The following KIF23 variants were observed in gnomAD, a reference collection of about 807,000 sequenced individuals.
KIF23 encodes kinesin family member 23.
Under a neutral mutation model 137.5 loss-of-function variants are expected in KIF23, and 30 were observed. The ratio of observed to expected loss-of-function variants is 0.22; its 90% confidence interval spans 0.16 to 0.30. KIF23 has a LOEUF of 0.30. Ranked by LOEUF, KIF23 falls within the 10% of genes least tolerant of loss-of-function variation. KIF23 has a pLI of 1.00. For missense variants in KIF23, 920 were observed against 1,194.3 expected, an observed-to-expected ratio of 0.77 and a Z score of 3.38; for synonymous variants, 367 against 391.1, an observed-to-expected ratio of 0.94 and a Z score of 0.73.
At position 69,439,916 on chromosome 15, in the gene KIF23, G is replaced by A. The variant is rs1270162094; in HGVS notation, c.1768G>A (p.Glu590Lys). 3 of 1,611,044 alleles carry A rather than the reference G, an allele frequency of 1.9e-6. No homozygotes were observed. Among genetic ancestry groups the A allele is most frequent in the African/African-American group, 2.7e-5 (2 of 74,670 alleles). ...KTLEYKIEIL[E>K]KTTTIYEEDK... The stretch of plus-strand genomic sequence containing the variant: ...TCTACCTTCCTAGATTGAGATTTTA[G>A]AGAAAACAACTACTATCTATGAGGA... Residue 590 changes from glutamate (E) to lysine (K), a missense_variant, in exon 17 of 24, where the codon GAG (glutamate) becomes AAG (lysine). Transcript: ENST00000679126.
chr15:69,414,437 C>T lies in KIF23; in HGVS notation c.-29C>T, dbSNP rs62007332. The T allele has an allele frequency of 4.0e-3, 6,308 of 1,581,124 alleles. 19 individuals are homozygous for T. The highest frequency in any genetic ancestry group is 5.0e-3 in the Non-Finnish European group (5,834 of 1,163,800). On this transcript the variant is annotated 5_prime_UTR_variant, in exon 1 of 24. Coordinates refer to ENST00000679126, the MANE Select transcript of KIF23 (RefSeq NM_001367805.3). The stretch of plus-strand genomic sequence containing the variant: ...CTTCGCCAGCCAGCCGTCCCGCATG[C>T]GCGTTTGGGCGGCGTGGAGCCTGCT...
rs915242077 is a variant in KIF23 at position 69,426,070 on chromosome 15, A to G, written c.777A>G (p.Val259=). ...CSTPMRNTDF[V]PPQSKLLRED... is the part of the protein sequence containing the mutation. Reference sequence around the variant, plus strand: ...CTAATCTTTTTTTTCTTTCCCATAGACCTCCACAATCTAAATTGCTTCGTG... The same window carrying G: ...CTAATCTTTTTTTTCTTTCCCATAGGCCTCCACAATCTAAATTGCTTCGTG... The change falls in exon 9 of 24, where the codon GTA becomes GTG. Residue 259 remains valine (V), a splice_region_variant and synonymous_variant. Transcript: ENST00000679126. 10 of 1,568,238 alleles carry G rather than the reference A, an allele frequency of 6.4e-6. No homozygotes were observed. Among genetic ancestry groups the G allele is most frequent in the East Asian group, 2.3e-5 (1 of 43,708 alleles).
Position 69,444,525 on chromosome 15 carries a change from A to G in KIF23, c.2422-265A>G. The G allele has an allele frequency of 2.5e-6, 1 of 408,060 alleles. No homozygotes were observed. Among genetic ancestry groups the G allele is most frequent in the Non-Finnish European group, 4.4e-6 (1 of 226,908 alleles). 25.3% of individuals were successfully genotyped at this position (408,060 alleles called of 1,614,324 possible). On this transcript the variant is annotated intron_variant, in intron 19 of 23. Transcript: ENST00000679126. This position sits in a 1 kb window ranked among gnomAD's most constrained non-coding sequence, Gnocchi z 4.2. ...TGTTTGTCCTGAACCACCCCCAAGC[A>G]GGAAAGACTTGCAGCATTACCAGAA...
chr15:69,427,798 A>C (rs1372859764), intron 10 of KIF23, among the ~76,000 whole-genome samples: 1 of 152,214 alleles, frequency 6.6e-6, no homozygotes, highest in African/African-American at 2.4e-5. Context: ...AAGTGGCAGG[A>C]GTGGTATTGA....
intron 15 of KIF23, 80 bp from the exon 16 acceptor site, chr15:69,438,167 TC>T: frequency 8.2e-7 from 1 of 1,220,340 alleles, no homozygotes; most frequent in Non-Finnish European, 1.1e-6. Context: ...CTACATTTTA[TC>T]TAGTGTCTGC....
chr15:69,419,688 A>T (rs2057005524), intron 3 of KIF23, among the ~76,000 whole-genome samples: 1 of 152,126 alleles, frequency 6.6e-6, no homozygotes, highest in Admixed American at 6.6e-5. Flanking sequence ...TCTTTCCTCT[A>T]CCATAATGTA....
At chr15:69,432,404 C>A (rs531668268) in intron 11 of KIF23, among the ~76,000 whole-genome samples, 2 of 152,052 alleles carry the variant, frequency 1.3e-5, no homozygotes, top group African/African-American at 4.8e-5. Context: ...TCATGGACAC[C>A]GAAATAAACC....
Position 69,444,576 on chromosome 15 carries a change from G to T in KIF23, c.2422-214G>T. 2 of 523,526 alleles carry T rather than the reference G, an allele frequency of 3.8e-6. No individual in the cohort carries two copies. Among genetic ancestry groups the T allele is most frequent in the African/African-American group, 1.9e-5 (1 of 51,504 alleles). The allele number at this position is 523,526 out of a possible 1,614,324, so 32.4% of individuals were successfully genotyped here. ...TTTTTTCTTTTATCCTTTATTGAAA[G>T]GGAAACTCCCAGATAGAATGTGTAA... On this transcript the variant is annotated intron_variant, in intron 19 of 23. Coordinates refer to ENST00000679126, the MANE Select transcript of KIF23 (RefSeq NM_001367805.3). This position sits in a 1 kb window ranked among gnomAD's most constrained non-coding sequence, Gnocchi z 4.2.
chr15:69,445,755 C>A (rs1449091383), intron 20 of KIF23, among the ~76,000 whole-genome samples: 1 of 152,016 alleles, frequency 6.6e-6, no homozygotes, highest in Non-Finnish European at 1.5e-5. Flanking sequence ...ACAGATGGAG[C>A]AAAAGGAATA....
rs532563614 is a variant in KIF23, at chr15:69,440,586, C to A, written c.2109+99C>A. ...GGATTTTTACATTTTATAATACTTACATTTCTGAAATTTCTCTAAAAATAT... is the reference window on the plus strand; with the variant it reads ...GGATTTTTACATTTTATAATACTTAAATTTCTGAAATTTCTCTAAAAATAT... On this transcript the variant is annotated intron_variant, in intron 18 of 23. Transcript: ENST00000679126. 5.6e-4 allele frequency: 689 copies of A among 1,232,582 alleles called. 11 individuals are homozygous for A. The East Asian group carries it at 0.018, about 32-fold the overall frequency. 76.4% of individuals were successfully genotyped at this position (1,232,582 alleles called of 1,614,324 possible). A position where few individuals can be genotyped will look rare whatever the true frequency, so the allele number is the denominator to read the frequency against.
Position 69,436,236 on chromosome 15 carries a change from C to A in KIF23, c.1413C>A (p.Asn471Lys). 1.9e-6 allele frequency: 3 copies of A among 1,613,886 alleles called. No homozygotes were observed. The highest frequency in any genetic ancestry group is 2.5e-6 in the Non-Finnish European group (3 of 1,179,946). The change falls in exon 14 of 24, where the codon AAC (asparagine) becomes AAA (lysine). Residue 471 changes from asparagine to lysine, a missense_variant. Physicochemically the swap from Asn to Lys is moderately conservative, Grantham distance 94. This residue lies in a region of KIF23 where 714 missense variants were observed against 866.2 expected (regional missense o/e 0.82). Coordinates refer to ENST00000679126, the MANE Select transcript of KIF23 (RefSeq NM_001367805.3). Reference sequence around the variant, plus strand: ...TAACGCCTGGGAGGAGATACAGAAACCAGCCTCGAGGTCCAGTTGGAAATG... The same window carrying A: ...TAACGCCTGGGAGGAGATACAGAAAACAGCCTCGAGGTCCAGTTGGAAATG... ...CGLTPGRRYR[N>K]QPRGPVGNEP...
intron 19 of KIF23, among the ~76,000 whole-genome samples, chr15:69,441,755 A>G (rs556097461): frequency 2.0e-4 from 31 of 152,122 alleles, no homozygotes; most frequent in Admixed American, 5.9e-4. Context: ...AGTTGTCCCA[A>G]AATTGGATTG....
chr15:69,429,348 AG>A lies in KIF23; in HGVS notation c.1114+137del, dbSNP rs143508463. The A allele has an allele frequency of 4.8e-3, 3,057 of 641,680 alleles. 65 individuals are homozygous for A. In the African/African-American group the frequency reaches 0.05, roughly 11 times the overall value. The allele number at this position is 641,680 out of a possible 1,614,324, so 39.7% of individuals were successfully genotyped here. On this transcript the variant is annotated intron_variant, in intron 11 of 23. Coordinates refer to ENST00000679126, the MANE Select transcript of KIF23 (RefSeq NM_001367805.3). ...TTGAGACGGTCTTACTCTGTTACCC[AG>A]GATGGAATGCAGTGGTGTGATCATG...
rs1389526207 is a variant in KIF23 at position 69,440,459 on chromosome 15, A to G, written c.2081A>G (p.Gln694Arg). ...SRERDREKVT[Q>R]RSVSPSPVPL... Reference sequence around the variant, plus strand: ...GAGCGAGATCGAGAAAAAGTTACTCAAAGATCTGTTTCTCCATCACCTGTG... The same window carrying G: ...GAGCGAGATCGAGAAAAAGTTACTCGAAGATCTGTTTCTCCATCACCTGTG... The change falls in exon 18 of 24, where the codon CAA becomes CGA. Residue 694 changes from glutamine (Q) to arginine (R), a missense_variant. By Grantham distance (43) the Gln-to-Arg change is conservative (BLOSUM62 1). Coordinates refer to ENST00000679126, the MANE Select transcript of KIF23 (RefSeq NM_001367805.3). 6.2e-7 allele frequency: 1 copy of G among 1,612,652 alleles called. No individual in the cohort carries two copies. The highest frequency in any genetic ancestry group is 8.5e-7 in the Non-Finnish European group (1 of 1,179,604).
At chr15:69,417,973 A>G (rs1176104067) in intron 3 of KIF23, among the ~76,000 whole-genome samples, 1 of 152,210 alleles carries the variant, frequency 6.6e-6, no homozygotes, top group East Asian at 1.9e-4. Flanking sequence ...TGGAGGGTGG[A>G]AGGAGATTAA....
chr15:69,425,883 G>A (rs1004466506), intron 8 of KIF23, 187 bp from the exon 9 acceptor site: 1 of 180,162 alleles, frequency 5.6e-6, no homozygotes, highest in Non-Finnish European at 1.1e-5. Context: ...TGACTATTTA[G>A]CTTTACAATC....
intron 11 of KIF23, among the ~76,000 whole-genome samples, chr15:69,429,611 T>C (rs1429939661): frequency 6.6e-6 from 1 of 152,134 alleles, no homozygotes; most frequent in African/African-American, 2.4e-5. Flanking sequence ...CCGGCCTCGA[T>C]GGGTGGTTTA....
intron 10 of KIF23, among the ~76,000 whole-genome samples, chr15:69,427,652 G>A (rs1417289561): frequency 6.6e-6 from 1 of 152,174 alleles, no homozygotes; most frequent in African/African-American, 2.4e-5. Flanking sequence ...TTACTGCCTG[G>A]CCTGCCACAG....
intron 13 of KIF23, 35 bp from the exon 14 acceptor site, chr15:69,436,103 A>T: frequency 6.3e-7 from 1 of 1,576,340 alleles, no homozygotes; most frequent in Non-Finnish European, 8.6e-7. Flanking sequence ...GGATATCCTT[A>T]TTTTTTTTTA....
Sources: allele counts gnomAD v4.1 joint callset (sites outside exome capture counted in the v4.1 genomes callset), GRCh38; gene constraint gnomAD v4.1.1; regional missense constraint gnomAD v4.1.1; non-coding constraint Gnocchi (gnomAD v3.1); transcripts MANE v1.5; gene names NCBI Gene and HGNC (gene_info 2026-07-23, HGNC 2026-07-21).